Variants in BLNK observed in about 807,000 individuals in gnomAD.
BLNK encodes B-cell linker protein.
Under a neutral mutation model 73.5 loss-of-function variants are expected in BLNK, and 29 were observed. The ratio of observed to expected loss-of-function variants is 0.39; its 90% CI spans 0.29 to 0.54. BLNK has a LOEUF of 0.54. BLNK is among the 20% of genes least tolerant of loss of function. The probability of loss-of-function intolerance (pLI) is 0.61; values close to 1 mark genes in which losing one functional copy is unlikely to be tolerated. For missense variants in BLNK, 460 were observed against 562.8 expected (o/e 0.82, Z 1.85); for synonymous variants, 176 against 200.8 (o/e 0.88, Z 1.04).
intron 1 of BLNK, among the ~76,000 whole-genome samples, chr10:96,266,650 G>A (rs6584063): frequency 0.96 from 145,823 of 152,258 alleles, 69,843 homozygotes; most frequent in Middle Eastern, 1. Flanking sequence ...TTCTCATCCA[G>A]TGGGATGCAG....
intron 8 of BLNK, among the ~76,000 whole-genome samples, chr10:96,212,921 C>A (rs587679734): frequency 6.6e-6 from 1 of 152,352 alleles, no homozygotes; most frequent in East Asian, 1.9e-4. Flanking sequence ...AAAATTATTT[C>A]ACTTCTTCCC....
intron 1 of BLNK, among the ~76,000 whole-genome samples, chr10:96,264,683 C>CA (rs1273472084): frequency 2.0e-5 from 3 of 152,014 alleles, no homozygotes; most frequent in Admixed American, 1.3e-4. Flanking sequence ...CCATCGGTTT[C>CA]AAAAAAATAT....
chr10:96,247,753 A>T (rs573173721), intron 1 of BLNK, among the ~76,000 whole-genome samples: 1 of 152,312 alleles, frequency 6.6e-6, no homozygotes, highest in South Asian at 2.1e-4. Context: ...GTCCCAGGCC[A>T]AGTCTTCCTG....
intron 16 of BLNK, 30 bp downstream of exon 16, chr10:96,196,878 T>G: frequency 1.2e-6 from 2 of 1,604,154 alleles, no homozygotes; most frequent in Non-Finnish European, 1.7e-6. Context: ...TGCATAGTTA[T>G]AGAATTGAAT....
chr10:96,230,756 A>T, intron 4 of BLNK, 38 bp downstream of exon 4: 1 of 1,596,596 alleles, frequency 6.3e-7, no homozygotes, highest in Non-Finnish European at 8.5e-7. Flanking sequence ...CTCCCATGGG[A>T]CCCTGATGCC....
At chr10:96,261,957 G>A (rs1469402382) in intron 1 of BLNK, among the ~76,000 whole-genome samples, 1 of 152,126 alleles carries the variant, frequency 6.6e-6, no homozygotes, top group Non-Finnish European at 1.5e-5. Flanking sequence ...TTTCACTCTA[G>A]GTACGAGCTC....
At chr10:96,266,519 A>G (rs962354578) in intron 1 of BLNK, among the ~76,000 whole-genome samples, 1 of 152,220 alleles carries the variant, frequency 6.6e-6, no homozygotes, top group African/African-American at 2.4e-5. Context: ...GTCCACTCGC[A>G]CTAAGCCAGT....
At chr10:96,208,549 T>G (rs1389954227) in intron 9 of BLNK, among the ~76,000 whole-genome samples, 2 of 152,218 alleles carry the variant, frequency 1.3e-5, no homozygotes, top group East Asian at 3.8e-4. Context: ...CTGGAGCTTC[T>G]GAAAGTCGGG....
chr10:96,203,236 T>C (rs1487087108), intron 13 of BLNK, among the ~76,000 whole-genome samples: 1 of 152,194 alleles, frequency 6.6e-6, no homozygotes, highest in Non-Finnish European at 1.5e-5. Context: ...CCTTTTTAAA[T>C]AATGAAAAAT....
intron 4 of BLNK, 107 bp from the exon 5 acceptor site, chr10:96,227,673 T>C (rs1554902879): frequency 1.7e-5 from 27 of 1,551,270 alleles, no homozygotes; most frequent in Non-Finnish European, 1.3e-5. Context: ...GAGACAAGGC[T>C]TGGAGAGGTT....
chr10:96,247,114 TA>T, intron 1 of BLNK, 65 bp from the exon 2 acceptor site: 1 of 1,150,506 alleles, frequency 8.7e-7, no homozygotes, highest in African/African-American at 1.6e-5. Context: ...AAAAGTCTCC[TA>T]CTCTTCTCGA....
Position 96,190,364 on chromosome 10 carries a change from T to C in BLNK, c.*1609A>G. On this transcript the variant is annotated 3_prime_UTR_variant, in exon 17 of 17. Coordinates refer to ENST00000224337, the MANE Select transcript of BLNK (RefSeq NM_013314.4). ...ATATAGTCTTCTCTCTGTGCCTGCA[T>C]CCAAATTTCCTAATTTTATAAGGAC... The C allele has an allele frequency of 3.9e-6, 2 of 514,984 alleles. No individual in the cohort carries two copies. The highest frequency in any genetic ancestry group is 6.3e-5 in the Admixed American group (2 of 31,642). The allele number at this position is 514,984 out of a possible 1,614,324, so 31.9% of individuals were successfully genotyped here.
chr10:96,263,525 G>T (rs1843855452), intron 1 of BLNK, among the ~76,000 whole-genome samples: 1 of 152,084 alleles, frequency 6.6e-6, no homozygotes, highest in Non-Finnish European at 1.5e-5. Flanking sequence ...TGGTCTGTTT[G>T]GAGGCCTAGA....
intron 3 of BLNK, among the ~76,000 whole-genome samples, chr10:96,236,812 C>A (rs782805265): frequency 9.2e-5 from 14 of 151,994 alleles, no homozygotes; most frequent in Non-Finnish European, 1.9e-4. Context: ...GGTGACAGGG[C>A]GAGACCCCGT....
In BLNK at chr10:96,248,276, C is replaced by G. The variant is rs142684745; in HGVS notation, c.48-1227G>C. On this transcript the variant is annotated intron_variant, in intron 1 of 16. Transcript: ENST00000224337. ...TTTTGCACCAGCCTTTCTCGATTTA[C>G]AAAGAAATCTTACAACTCAGTAAGA... Among the ~76,000 whole-genome samples, 1,237 of 152,160 alleles carry G rather than the reference C, an allele frequency of 8.1e-3. 13 individuals are homozygous for G. The highest frequency in any genetic ancestry group is 0.028 in the African/African-American group (1,176 of 41,500).
Position 96,207,044 on chromosome 10 carries a change from C to G in BLNK, c.784G>C (p.Ala262Pro). 6.2e-7 allele frequency: 1 copy of G among 1,613,824 alleles called. No homozygotes were observed. Among genetic ancestry groups the G allele is most frequent in the Non-Finnish European group, 8.5e-7 (1 of 1,179,850 alleles). Residue 262 changes from alanine to proline, a missense_variant, in exon 11 of 17, where the codon GCC (alanine) becomes CCC (proline). Ala to Pro is a conservative substitution (Grantham distance 27). Transcript: ENST00000224337. ...ACACTTGAAGCATTCTGTTGAGAGG[C>G]AACTGGAGTCTATGTAAAAGAAAAA... is the stretch of plus-strand genomic sequence containing the variant. ...PTTPLKTTPV[A>P]SQQNASSVCE...
chr10:96,263,342 C>T (rs1378757173), intron 1 of BLNK, among the ~76,000 whole-genome samples: 1 of 152,194 alleles, frequency 6.6e-6, no homozygotes, highest in Non-Finnish European at 1.5e-5. Context: ...AGGTCTGGGG[C>T]CCCCAGCCAG....
intron 16 of BLNK, among the ~76,000 whole-genome samples, chr10:96,192,763 TA>T (rs1331425929): frequency 6.6e-6 from 1 of 152,150 alleles, no homozygotes; most frequent in Non-Finnish European, 1.5e-5. Flanking sequence ...GAAAAATAAT[TA>T]AAGTTTTGAA....
intron 2 of BLNK, among the ~76,000 whole-genome samples, chr10:96,246,506 T>C (rs1457100817): frequency 6.6e-6 from 1 of 152,154 alleles, no homozygotes; most frequent in African/African-American, 2.4e-5. Context: ...GAGCTGATAT[T>C]GTGCCATTGC....
Sources: allele counts gnomAD v4.1 joint callset (sites outside exome capture counted in the v4.1 genomes callset), GRCh38; gene constraint gnomAD v4.1.1; transcripts MANE v1.5; gene names NCBI Gene and HGNC (gene_info 2026-07-23, HGNC 2026-07-21).